The following TNPO3 variants were observed in gnomAD, a reference collection of about 807,000 sequenced individuals.
TNPO3 encodes transportin 3.
Under a neutral mutation model 122.8 loss-of-function variants are expected in TNPO3, and 65 were observed. That is an observed-to-expected ratio of 0.53 (90% confidence interval 0.43 to 0.65). The LOEUF is 0.65. Among genes scored for constraint, TNPO3 ranks in the 30% least tolerant of loss-of-function variants. TNPO3 has a pLI of 0.00. For synonymous variants in TNPO3, 372 were observed against 411.2 expected, an observed-to-expected ratio of 0.90 and a Z score of 1.15; for missense variants, 850 against 1,136.7, an observed-to-expected ratio of 0.75 and a Z score of 3.63.
chr7:128,986,856 T>G lies in TNPO3; in HGVS notation c.1563A>C (p.Lys521Asn), dbSNP rs753873033. The G allele has an allele frequency of 6.2e-7, 1 of 1,614,002 alleles. No individual in the cohort carries two copies. Residue 521 changes from lysine (K) to asparagine (N), a missense_variant, in exon 12 of 23, where the codon AAA becomes AAC. By Grantham distance (94) the Lys-to-Asn change is moderately conservative. Coordinates refer to ENST00000265388, the MANE Select transcript of TNPO3 (RefSeq NM_012470.4). ...CEKPLASAAA[K>N]AIHNICSVCR... ...AGACAGAGCAAATGTTATGAATGGC[T>G]TTGGCTGCAGCAGAAGCCAGGGGCT... is the stretch of plus-strand genomic sequence containing the variant.
intron 16 of TNPO3, among the ~76,000 whole-genome samples, chr7:128,978,209 T>C (rs1208790445): frequency 6.6e-6 from 1 of 152,232 alleles, no homozygotes; most frequent in East Asian, 1.9e-4. Flanking sequence ...CAGTTCTAGA[T>C]GAGAATATGA....
intron 1 of TNPO3, among the ~76,000 whole-genome samples, chr7:129,042,714 A>C (rs1041990742): frequency 2.0e-5 from 3 of 152,202 alleles, no homozygotes; most frequent in Admixed American, 6.5e-5. Flanking sequence ...AGAAAAAAAT[A>C]AACTGAGGGG....
At chr7:129,021,286 C>T (rs1029473331) in intron 1 of TNPO3, among the ~76,000 whole-genome samples, 1 of 148,694 alleles carries the variant, frequency 6.7e-6, no homozygotes, top group Non-Finnish European at 1.5e-5. Context: ...ACCCGGGAGA[C>T]GGTGGTTGCA....
At chr7:129,027,041 G>C (rs1805272025) in intron 1 of TNPO3, among the ~76,000 whole-genome samples, 1 of 152,104 alleles carries the variant, frequency 6.6e-6, no homozygotes, top group Non-Finnish European at 1.5e-5. Flanking sequence ...GCCTCCCAAA[G>C]TGCTAGGATT....
intron 4 of TNPO3, among the ~76,000 whole-genome samples, chr7:129,014,136 A>G (rs1803556155): frequency 6.6e-6 from 1 of 152,264 alleles, no homozygotes; most frequent in Admixed American, 6.5e-5. Context: ...TGTTCCCTAC[A>G]CAAAGAAATG....
At chr7:128,957,183 TCCGA>T (rs1046777996) in intron 22 of TNPO3, 37 bp downstream of exon 22, 1 of 1,566,802 alleles carries the variant, frequency 6.4e-7, no homozygotes, top group African/African-American at 1.4e-5. Context: ...TCCCCAACAG[TCCGA>T]CAGTCCGGAC....
At chr7:128,955,809 G>C (rs956804274) in intron 22 of TNPO3, among the ~76,000 whole-genome samples, 1 of 152,236 alleles carries the variant, frequency 6.6e-6, no homozygotes, top group South Asian at 2.1e-4. Context: ...CACCAATTTA[G>C]ATGCTATCGA....
intron 11 of TNPO3, among the ~76,000 whole-genome samples, chr7:128,988,539 G>A (rs1343297208): frequency 6.6e-6 from 1 of 152,182 alleles, no homozygotes; most frequent in East Asian, 1.9e-4. Flanking sequence ...AGAGCAATCT[G>A]TCTACTGCTG....
rs550126726 is a variant in TNPO3 at position 128,984,076 on chromosome 7, G to C, written c.1782+92C>G. 9 of 723,894 alleles carry C rather than the reference G, an allele frequency of 1.2e-5. No individual in the cohort carries two copies. In the South Asian group the frequency reaches 2.0e-4, roughly 16 times the overall value. 44.8% of individuals were successfully genotyped at this position (723,894 alleles called of 1,614,324 possible). ...TGCATTTTCTTGGATTTTCTAGGTAGACAAAAGATCTGTAAATAAGTAATT... is the reference window on the plus strand; with the variant it reads ...TGCATTTTCTTGGATTTTCTAGGTACACAAAAGATCTGTAAATAAGTAATT... On this transcript the variant is annotated intron_variant, in intron 13 of 22. Transcript: ENST00000265388.
At chr7:128,980,463 C>T (rs1460089071) in intron 14 of TNPO3, among the ~76,000 whole-genome samples, 1 of 152,162 alleles carries the variant, frequency 6.6e-6, no homozygotes, top group African/African-American at 2.4e-5. Context: ...CAAAAATAAG[C>T]CGGGCGTGGT....
intron 21 of TNPO3, among the ~76,000 whole-genome samples, chr7:128,959,398 T>G (rs1256987048): frequency 6.6e-6 from 1 of 152,200 alleles, no homozygotes; most frequent in East Asian, 1.9e-4. Context: ...AGGGTCTCAT[T>G]GTGTTGCCCA....
At chr7:128,960,652 C>A (rs781638007) in intron 21 of TNPO3, among the ~76,000 whole-genome samples, 1 of 151,260 alleles carries the variant, frequency 6.6e-6, no homozygotes, top group Non-Finnish European at 1.5e-5. Flanking sequence ...ATGAGCTGTA[C>A]AATTTGTGTT....
chr7:128,967,250 A>G (rs1214469680), intron 21 of TNPO3, 30 bp downstream of exon 21: 1 of 1,332,654 alleles, frequency 7.5e-7, no homozygotes, highest in Admixed American at 1.7e-5. Context: ...CACATCCCAC[A>G]CCTCCTTAAG....
intron 1 of TNPO3, among the ~76,000 whole-genome samples, chr7:129,033,854 A>G (rs1311945393): frequency 6.6e-6 from 1 of 151,356 alleles, no homozygotes; most frequent in African/African-American, 2.4e-5. Context: ...CCAAGGTTGC[A>G]GTGAACCAAG....
At chr7:128,972,283 G>C in intron 19 of TNPO3, 143 bp downstream of exon 19, 3 of 890,080 alleles carry the variant, frequency 3.4e-6, no homozygotes, top group Non-Finnish European at 5.0e-6. Flanking sequence ...TGATATTTTG[G>C]CTAGTGAATG....
At chr7:129,017,364 C>T (rs1413168495) in intron 2 of TNPO3, among the ~76,000 whole-genome samples, 2 of 152,172 alleles carry the variant, frequency 1.3e-5, no homozygotes, top group Non-Finnish European at 1.5e-5. Context: ...GGCAATACCA[C>T]AGAACTTCAC....
At chr7:129,017,308 C>T (rs1038966780) in intron 2 of TNPO3, among the ~76,000 whole-genome samples, 2 of 152,056 alleles carry the variant, frequency 1.3e-5, no homozygotes, top group Non-Finnish European at 2.9e-5. Flanking sequence ...TCAGAAACAA[C>T]AGACTATAGA....
intron 14 of TNPO3, among the ~76,000 whole-genome samples, chr7:128,980,877 G>T (rs1428410933): frequency 2.0e-5 from 3 of 152,088 alleles, no homozygotes; most frequent in Admixed American, 6.6e-5. Flanking sequence ...GTCCAAAGAT[G>T]TTGTAGTTCT....
chr7:128,971,148 T>C (rs1276145613), intron 19 of TNPO3: 2 of 151,910 alleles, frequency 1.3e-5, no homozygotes, highest in Non-Finnish European at 2.9e-5. Flanking sequence ...TTGCGGTCTT[T>C]AATTTTTTTT....
Sources: gnomAD v4.1 joint callset for allele counts (sites outside exome capture counted in the v4.1 genomes callset) on GRCh38, gnomAD v4.1.1 for gene constraint, MANE v1.5 for transcripts, NCBI Gene and HGNC (gene_info 2026-07-23, HGNC 2026-07-21) for gene names.